Variants in KCNK2 observed in about 807,000 individuals in gnomAD.
KCNK2 encodes the protein potassium channel subfamily K member 2.
KCNK2 carries 21 observed loss-of-function variants against 40.5 expected under a neutral mutation model. That is an observed-to-expected ratio of 0.52 (90% confidence interval 0.37 to 0.75). The LOEUF (loss-of-function observed/expected upper bound fraction) is 0.75. Ranked by LOEUF, KCNK2 falls within the 30% of genes least tolerant of loss-of-function variation. KCNK2 has a pLI of 0.00. For synonymous variants in KCNK2, 191 were observed against 202.2 expected, an observed-to-expected ratio of 0.94 and a Z score of 0.47; for missense variants, 399 against 531.6, an observed-to-expected ratio of 0.75 and a Z score of 2.45.
chr1:215,174,004 G>A (rs1269354015), intron 5 of KCNK2, among the ~76,000 whole-genome samples: 5 of 152,242 alleles, frequency 3.3e-5, no homozygotes, highest in Admixed American at 6.5e-5. Context: ...TTTGGCTTTT[G>A]TTGCCATTGC....
intron 2 of KCNK2, among the ~76,000 whole-genome samples, chr1:215,093,730 A>T (rs1448472472): frequency 6.9e-5 from 6 of 86,420 alleles, no homozygotes; most frequent in Non-Finnish European, 1.2e-4. Context: ...AAAAATATAT[A>T]ATATATAATA....
chr1:215,060,696 T>G lies in KCNK2; in HGVS notation c.35-25672T>G, dbSNP rs370762578. Among the ~76,000 whole-genome samples, 155 of 152,334 alleles carry G rather than the reference T, an allele frequency of 1.0e-3. 5 individuals carry two copies. In the South Asian group the frequency reaches 0.031, roughly 31 times the overall value. The stretch of plus-strand genomic sequence containing the variant: ...TTTTGTATCAACTAGTCCACAGTGT[T>G]CACTTGAAACTCATTCTTTGTTCTG... On this transcript the variant is annotated intron_variant, in intron 1 of 6. Coordinates refer to the KCNK2 transcript ENST00000391895.
At chr1:215,166,285 G>A (rs1338690483) in intron 3 of KCNK2, among the ~76,000 whole-genome samples, 3 of 152,066 alleles carry the variant, frequency 2.0e-5, no homozygotes, top group African/African-American at 7.2e-5. Context: ...GAGGGACCAT[G>A]AACTCTTTTT....
chr1:215,145,913 A>T (rs1662394441), intron 3 of KCNK2, among the ~76,000 whole-genome samples: 1 of 152,158 alleles, frequency 6.6e-6, no homozygotes, highest in Admixed American at 6.5e-5. Context: ...GAATAAGAGG[A>T]GAATCAGATC....
chr1:215,165,487 A>C (rs977702741), intron 3 of KCNK2, among the ~76,000 whole-genome samples: 1 of 152,176 alleles, frequency 6.6e-6, no homozygotes, highest in South Asian at 2.1e-4. Context: ...AATAGTTTGC[A>C]TACTGATGAG....
chr1:215,112,989 C>T (rs1660760563), intron 2 of KCNK2, among the ~76,000 whole-genome samples: 1 of 152,136 alleles, frequency 6.6e-6, no homozygotes, highest in African/African-American at 2.4e-5. Context: ...GATGACTATA[C>T]TGTATTCTGA....
intron 5 of KCNK2, among the ~76,000 whole-genome samples, chr1:215,182,691 C>G (rs1359212384): frequency 6.6e-6 from 1 of 152,186 alleles, no homozygotes; most frequent in Non-Finnish European, 1.5e-5. Flanking sequence ...CGAGAGCAAG[C>G]ACTCCAGTCT....
rs1386075844 is a variant in KCNK2 at position 215,148,082 on chromosome 1, T to TTC, written c.476-21116_476-21115insCT. 1.2e-4 allele frequency among the ~76,000 whole-genome samples: 15 copies of TTC among 122,432 alleles called. 2 individuals carry two copies. Among genetic ancestry groups the TTC allele is most frequent in the Non-Finnish European group, 2.0e-4 (11 of 55,846 alleles). The allele number at this position is 122,432 out of a possible 152,430, so 80.3% of individuals were successfully genotyped here. ...TATTATTTTTTTATTTTCTTTTCCT[T>TTC]TTTTTTTTTTTTTTTTGGCAGGGTC... On this transcript the variant is annotated intron_variant, in intron 3 of 6. Coordinates refer to ENST00000444842, the MANE Select transcript of KCNK2 (RefSeq NM_001017425.3).
chr1:215,198,961 T>C (rs1664974805), intron 6 of KCNK2, among the ~76,000 whole-genome samples: 1 of 152,142 alleles, frequency 6.6e-6, no homozygotes, highest in Non-Finnish European at 1.5e-5. Context: ...CAGGTTTAAG[T>C]GTGAAAATAT....
intron 1 of KCNK2, among the ~76,000 whole-genome samples, chr1:215,025,493 G>C (rs1656972245): frequency 6.6e-6 from 1 of 151,686 alleles, no homozygotes; most frequent in African/African-American, 2.4e-5. Context: ...ATTAATACCT[G>C]TAAACCCCCT....
intron 1 of KCNK2, among the ~76,000 whole-genome samples, chr1:215,023,649 G>A (rs79884578): frequency 0.018 from 2,712 of 152,272 alleles, 78 homozygotes; most frequent in African/African-American, 0.062. Flanking sequence ...ATGTCATTGC[G>A]TAAGCACCAA....
At chr1:215,067,634 C>G (rs1214189190) in intron 1 of KCNK2, among the ~76,000 whole-genome samples, 1 of 152,098 alleles carries the variant, frequency 6.6e-6, no homozygotes, top group Non-Finnish European at 1.5e-5. Flanking sequence ...AAGGCTGAGG[C>G]AGGTGGATCA....
chr1:215,209,314 A>G (rs1257180914), intron 6 of KCNK2, among the ~76,000 whole-genome samples: 1 of 65,536 alleles, frequency 1.5e-5, no homozygotes, highest in Non-Finnish European at 3.0e-5. Flanking sequence ...TATATATATG[A>G]AATATACACA....
intron 1 of KCNK2, among the ~76,000 whole-genome samples, chr1:215,013,599 T>G (rs890322154): frequency 1.3e-5 from 2 of 152,188 alleles, no homozygotes; most frequent in African/African-American, 4.8e-5. Flanking sequence ...ATTTGGCTAT[T>G]CTTTGATTTC....
chr1:215,026,562 G>A (rs1364533117), intron 1 of KCNK2, among the ~76,000 whole-genome samples: 1 of 151,824 alleles, frequency 6.6e-6, no homozygotes, highest in Non-Finnish European at 1.5e-5. Context: ...CAATTCTAAT[G>A]TATACACTCT....
At chr1:215,209,448 A>ATAAAATATAT (rs1665503536) in intron 6 of KCNK2, among the ~76,000 whole-genome samples, 1 of 28,844 alleles carries the variant, frequency 3.5e-5, no homozygotes, top group South Asian at 2.0e-3. Flanking sequence ...AATATATAAT[A>ATAAAATATAT]TATATTATAT....
intron 3 of KCNK2, among the ~76,000 whole-genome samples, chr1:215,161,794 TATGTGCCAC>T (rs1472702746): frequency 6.6e-6 from 1 of 152,192 alleles, no homozygotes; most frequent in Non-Finnish European, 1.5e-5. Flanking sequence ...CCGTGGTGTA[TATGTGCCAC>T]ATTTTCTTAA....
At chr1:215,041,471 G>A (rs989271331) in intron 1 of KCNK2, among the ~76,000 whole-genome samples, 9 of 152,170 alleles carry the variant, frequency 5.9e-5, no homozygotes, top group Admixed American at 2.0e-4. Context: ...GATCCACAGT[G>A]ATAGGAAAGG....
chr1:215,225,498 A>G (rs1465744344), intron 6 of KCNK2, among the ~76,000 whole-genome samples: 1 of 152,210 alleles, frequency 6.6e-6, no homozygotes. Flanking sequence ...AAATTGGTTT[A>G]TAAGTTGCTT....
Sources: gnomAD v4.1 joint callset for allele counts (sites outside exome capture counted in the v4.1 genomes callset) on GRCh38, gnomAD v4.1.1 for gene constraint, MANE v1.5 for transcripts, NCBI Gene and HGNC (gene_info 2026-07-23, HGNC 2026-07-21) for gene names.